AKAP13: variants seen among roughly 807,000 people sequenced by gnomAD.
The protein encoded by AKAP13 is A-kinase anchor protein 13.
In AKAP13, 80 loss-of-function variants were observed where a neutral mutation model predicts 264.5. The ratio of observed to expected loss-of-function variants is 0.30; its 90% CI spans 0.25 to 0.36. The LOEUF is 0.36. AKAP13 is among the 10% of genes least tolerant of loss of function. AKAP13 has a pLI of 1.00. For synonymous variants in AKAP13, 1,380 were observed against 1,250.2 expected, an observed-to-expected ratio of 1.10 and a Z score of -2.19; for missense variants, 3,712 against 3,435.2, an observed-to-expected ratio of 1.08 and a Z score of -2.01.
chr15:85,608,756 C>A (rs2080467929), intron 8 of AKAP13, among the ~76,000 whole-genome samples: 1 of 152,164 alleles, frequency 6.6e-6, no homozygotes. Context: ...AACCTTGATA[C>A]ACAATTAGGC....
chr15:85,517,349 A>AT (rs2076642481), intron 2 of AKAP13, among the ~76,000 whole-genome samples: 1 of 125,196 alleles, frequency 8.0e-6, no homozygotes, highest in African/African-American at 3.1e-5. Context: ...TTCCCATCAC[A>AT]CTTTTTTTTT....
chr15:85,728,262 C>T (rs1333880921), intron 29 of AKAP13, among the ~76,000 whole-genome samples: 1 of 152,126 alleles, frequency 6.6e-6, no homozygotes, highest in East Asian at 1.9e-4. Context: ...AGAAATAAGG[C>T]TTAGAGTTAA....
chr15:85,576,691 T>C (rs1031465224), intron 6 of AKAP13, among the ~76,000 whole-genome samples: 4 of 152,184 alleles, frequency 2.6e-5, no homozygotes, highest in Admixed American at 1.3e-4. Flanking sequence ...AGAAATTCCA[T>C]AGGGTTATGT....
chr15:85,504,532 A>G (rs1413654965), intron 2 of AKAP13, among the ~76,000 whole-genome samples: 28 of 124,492 alleles, frequency 2.2e-4, no homozygotes, highest in Admixed American at 4.1e-4. Context: ...AAAAAAAAAA[A>G]AAAGAAAAAA....
At chr15:85,446,672 C>T (rs1270364012) in intron 1 of AKAP13, among the ~76,000 whole-genome samples, 2 of 150,694 alleles carry the variant, frequency 1.3e-5, no homozygotes, top group African/African-American at 4.9e-5. Context: ...CATGCCTTTT[C>T]GTCTTCCCCG....
chr15:85,662,530 G>A, intron 12 of AKAP13: 1 of 1,553,002 alleles, frequency 6.4e-7, no homozygotes, highest in Non-Finnish European at 8.9e-7. Context: ...CTTGGAGCTG[G>A]CTTCTGTGTG....
intron 1 of AKAP13, among the ~76,000 whole-genome samples, chr15:85,427,487 T>G (rs537103789): frequency 5.3e-5 from 8 of 152,270 alleles, no homozygotes; most frequent in Non-Finnish European, 1.0e-4. Context: ...GTCTATCGAC[T>G]CCTCTAGGCA....
At chr15:85,726,829 C>T (rs1242431351) in intron 27 of AKAP13, among the ~76,000 whole-genome samples, 4 of 152,174 alleles carry the variant, frequency 2.6e-5, no homozygotes, top group Admixed American at 6.5e-5. Flanking sequence ...AAAGATTCAT[C>T]GTGTGGAAAA....
rs2087930112 is a variant in AKAP13 at position 85,730,552 on chromosome 15, T to C, written c.7127T>C (p.Leu2376Ser). The part of the protein sequence containing the change: ...HQKDQKILLL[L>S]EEKEMIFRDM... ...AAGGACCAAAAAATCCTACTCTTGT[T>C]GGAAGAGAAGGAGATGATTTTCCGG... The change falls in exon 30 of 37, where the codon TTG becomes TCG. Residue 2376 changes from leucine to serine, a missense_variant. Physicochemically the swap from Leu to Ser is moderately radical, Grantham distance 145. Around this residue, in one of 3 missense-constraint regions of AKAP13, gnomAD observed 342 missense variants for 484.3 expected, o/e 0.71. Coordinates refer to ENST00000394518, the MANE Select transcript of AKAP13 (RefSeq NM_007200.5). 2 of 1,614,052 alleles carry C rather than the reference T, an allele frequency of 1.2e-6. No individual in the cohort carries two copies. The highest frequency in any genetic ancestry group is 2.7e-5 in the African/African-American group (2 of 74,924).
chr15:85,503,228 G>T (rs1191904422), intron 2 of AKAP13, among the ~76,000 whole-genome samples: 1 of 152,180 alleles, frequency 6.6e-6, no homozygotes, highest in East Asian at 1.9e-4. Flanking sequence ...TCAGATATGG[G>T]ATTATAATAA....
intron 35 of AKAP13, among the ~76,000 whole-genome samples, chr15:85,741,965 A>C (rs182097192): frequency 2.9e-4 from 44 of 152,180 alleles, no homozygotes; most frequent in African/African-American, 1.1e-3. Flanking sequence ...GAATCGCTTG[A>C]ACCGGGGAGG....
chr15:85,629,829 G>A (rs1219390112), intron 8 of AKAP13, among the ~76,000 whole-genome samples: 1 of 127,948 alleles, frequency 7.8e-6, no homozygotes, highest in Non-Finnish European at 1.6e-5. Context: ...ACCCAGGCTG[G>A]AGTGCAGCAG....
chr15:85,584,161 T>C (rs1447434142), intron 7 of AKAP13, among the ~76,000 whole-genome samples: 2 of 152,162 alleles, frequency 1.3e-5, no homozygotes, highest in Non-Finnish European at 2.9e-5. Flanking sequence ...TCATACTGTT[T>C]TGTGAGTGAG....
intron 2 of AKAP13, among the ~76,000 whole-genome samples, chr15:85,510,636 G>A (rs2076386231): frequency 6.6e-6 from 1 of 152,158 alleles, no homozygotes; most frequent in Non-Finnish European, 1.5e-5. Flanking sequence ...TGCAGGCTAG[G>A]TTTCCACCTG....
Position 85,426,945 on chromosome 15 carries a change from G to GT in AKAP13, c.-12+46151dup, listed in dbSNP as rs1251042851. ...GTTTCCACACAACCTCCTTAGTATT[G>GT]TTTTGTTTTGTTTTTTTTTTTTTTT... On this transcript the variant is annotated intron_variant, in intron 1 of 36. Coordinates refer to ENST00000394518, the MANE Select transcript of AKAP13 (RefSeq NM_007200.5). Among the ~76,000 whole-genome samples, 65 of 115,626 alleles carry GT rather than the reference G, an allele frequency of 5.6e-4. 3 individuals are homozygous for GT. The highest frequency in any genetic ancestry group is 1.3e-3 in the African/African-American group (36 of 27,198). The allele number at this position is 115,626 out of a possible 152,430, so 75.9% of individuals were successfully genotyped here.
intron 5 of AKAP13, among the ~76,000 whole-genome samples, chr15:85,562,182 G>A (rs1262281635): frequency 2.6e-5 from 4 of 152,108 alleles, no homozygotes; most frequent in Non-Finnish European, 5.9e-5. Context: ...TTAAGCAGTT[G>A]ATAAATATTA....
chr15:85,670,286 A>C (rs540159660), intron 14 of AKAP13, among the ~76,000 whole-genome samples: 1 of 152,134 alleles, frequency 6.6e-6, no homozygotes, highest in East Asian at 1.9e-4. Context: ...TGAGAGAATA[A>C]GTTATATCCA....
chr15:85,414,642 A>G (rs1348919691), intron 1 of AKAP13, among the ~76,000 whole-genome samples: 2 of 152,256 alleles, frequency 1.3e-5, no homozygotes, highest in Non-Finnish European at 2.9e-5. Context: ...GGAAGTTGGT[A>G]GACTACATGT....
chr15:85,399,988 G>A (rs1451601147), intron 1 of AKAP13, among the ~76,000 whole-genome samples: 1 of 152,120 alleles, frequency 6.6e-6, no homozygotes, highest in Non-Finnish European at 1.5e-5. Context: ...TAGAGATGGT[G>A]TCTCGCTGTG....
Sources: allele counts gnomAD v4.1 joint callset (sites outside exome capture counted in the v4.1 genomes callset), GRCh38; gene constraint gnomAD v4.1.1; regional missense constraint gnomAD v4.1.1; transcripts MANE v1.5; gene names NCBI Gene and HGNC (gene_info 2026-07-23, HGNC 2026-07-21).